Variants in STON2 observed in about 807,000 individuals in gnomAD.
STON2 encodes the protein stonin 2, also known as stonin-2.
In STON2, 29 loss-of-function variants were observed where a neutral mutation model predicts 65.7. The ratio of observed to expected loss-of-function variants is 0.44; its 90% CI spans 0.33 to 0.60. The LOEUF (loss-of-function observed/expected upper bound fraction) is 0.60, where lower values mean the gene tolerates loss of function less well. STON2 is among the 20% of genes least tolerant of loss of function. The pLI is 0.03. For missense variants in STON2, 1,054 were observed against 1,118.1 expected (o/e 0.94, Z 0.82); for synonymous variants, 404 against 414.2 (o/e 0.98, Z 0.30).
intron 4 of STON2, among the ~76,000 whole-genome samples, chr14:81,362,402 T>C (rs1898534798): frequency 6.6e-6 from 1 of 152,182 alleles, no homozygotes; most frequent in South Asian, 2.1e-4. Flanking sequence ...AAGTACCAAA[T>C]ATTCTCCCTT....
chr14:81,385,028 C>A (rs141909186), intron 3 of STON2, among the ~76,000 whole-genome samples: 1 of 152,180 alleles, frequency 6.6e-6, no homozygotes, highest in South Asian at 2.1e-4. Context: ...AACAGATTGC[C>A]CAACTGTTAG....
At chr14:81,294,884 C>T (rs1895699124) in intron 5 of STON2, among the ~76,000 whole-genome samples, 1 of 152,172 alleles carries the variant, frequency 6.6e-6, no homozygotes, top group Non-Finnish European at 1.5e-5. Flanking sequence ...GAACATGCTT[C>T]TAAACATTCA....
chr14:81,262,006 C>A lies in STON2; in HGVS notation c.*6408G>T. ...AAAAAGATGGACCAGGTGATTTTTC[C>A]AATCTTCAAAATTTAAATTTCTTGG... On this transcript the variant is annotated 3_prime_UTR_variant, in exon 8 of 8. Transcript: ENST00000614646. 1 of 1,365,866 alleles carries A rather than the reference C, an allele frequency of 7.3e-7. No homozygotes were observed. The highest frequency in any genetic ancestry group is 1.9e-5 in the South Asian group (1 of 52,368). 84.6% of individuals were successfully genotyped at this position (1,365,866 alleles called of 1,614,324 possible).
At chr14:81,329,508 A>G (rs942394447) in intron 4 of STON2, among the ~76,000 whole-genome samples, 5 of 152,124 alleles carry the variant, frequency 3.3e-5, no homozygotes, top group African/African-American at 1.2e-4. Context: ...ACGTCATGAG[A>G]AGATGGAGGC....
At chr14:81,386,506 A>G (rs1899814482) in intron 3 of STON2, among the ~76,000 whole-genome samples, 1 of 152,206 alleles carries the variant, frequency 6.6e-6, no homozygotes, top group African/African-American at 2.4e-5. Context: ...CTGGTCCCAA[A>G]TAATTAGTTT....
In STON2 at chr14:81,413,873, T is replaced by C. The variant is rs1212534435; in HGVS notation, c.-199+13229A>G. On this transcript the variant is annotated intron_variant, in intron 2 of 8. Transcript: ENST00000553821. ...ACAAAGCTTTCTCACTGTTGTAATT[T>C]AAAATATTAGCAACATTTAATCAAA... Among the ~76,000 whole-genome samples, 2 of 140,520 alleles carry C rather than the reference T, an allele frequency of 1.4e-5. 1 individual carries two copies. Among genetic ancestry groups the C allele is most frequent in the Non-Finnish European group, 3.0e-5 (2 of 67,068 alleles). The allele number at this position is 140,520 out of a possible 152,430, so 92.2% of individuals were successfully genotyped here. A position where few individuals can be genotyped will look rare whatever the true frequency, so the allele number is the denominator to read the frequency against.
intron 1 of STON2, among the ~76,000 whole-genome samples, chr14:81,435,800 C>T (rs1013624686): frequency 6.6e-5 from 10 of 152,216 alleles, no homozygotes; most frequent in African/African-American, 2.4e-4. Flanking sequence ...AAAACTCCAT[C>T]CAAGCCCCAC....
intron 3 of STON2, among the ~76,000 whole-genome samples, chr14:81,394,127 G>A (rs1261285961): frequency 6.6e-6 from 1 of 151,988 alleles, no homozygotes; most frequent in Admixed American, 6.6e-5. Flanking sequence ...AGGGGCAGAG[G>A]TTGCAGTGAG....
At chr14:81,319,121 G>GC (rs1426224158) in intron 5 of STON2, among the ~76,000 whole-genome samples, 15 of 152,082 alleles carry the variant, frequency 9.9e-5, no homozygotes, top group Non-Finnish European at 2.1e-4. Context: ...TCAACCAATT[G>GC]CCCCCCTCAA....
chr14:81,337,980 A>C (rs572758250), intron 4 of STON2, among the ~76,000 whole-genome samples: 5 of 152,188 alleles, frequency 3.3e-5, no homozygotes, highest in Non-Finnish European at 7.3e-5. Flanking sequence ...AAGAAAAAGA[A>C]AAACATGTTT....
intron 5 of STON2, among the ~76,000 whole-genome samples, chr14:81,291,935 T>C (rs1895574997): frequency 6.7e-6 from 1 of 148,840 alleles, no homozygotes; most frequent in Non-Finnish European, 1.5e-5. Flanking sequence ...TTTGTAAGAG[T>C]AGGCTATTAT....
intron 5 of STON2, among the ~76,000 whole-genome samples, chr14:81,312,863 T>C (rs1896479511): frequency 1.3e-5 from 2 of 152,274 alleles, no homozygotes; most frequent in Admixed American, 6.5e-5. Flanking sequence ...CATATTTTGG[T>C]AGCAAATTCT....
At position 81,262,657 on chromosome 14, in the gene STON2, A is replaced by G; in HGVS notation, c.*5757T>C. On this transcript the variant is annotated 3_prime_UTR_variant, in exon 8 of 8. Transcript: ENST00000614646. ...CACTACCAAACTCATTACTGTGGAT[A>G]GTTTCTGCCTTTACAGGCTTAGAAT... The G allele has an allele frequency of 1.0e-6, 1 of 985,464 alleles. No individual in the cohort carries two copies. The highest frequency in any genetic ancestry group is 5.2e-4 in the Middle Eastern group (1 of 1,914). 61.0% of individuals were successfully genotyped at this position (985,464 alleles called of 1,614,324 possible).
Position 81,277,834 on chromosome 14 carries a change from T to A in STON2, c.1648A>T (p.Asn550Tyr). 1 of 1,614,216 alleles carries A rather than the reference T, an allele frequency of 6.2e-7. No individual in the cohort carries two copies. The highest frequency in any genetic ancestry group is 8.5e-7 in the Non-Finnish European group (1 of 1,180,038). Residue 550 changes from asparagine to tyrosine, a missense_variant, in exon 6 of 8, where the codon AAT becomes TAT. By Grantham distance (143) the Asn-to-Tyr change is moderately radical (BLOSUM62 -2). Transcript: ENST00000614646. Reference protein sequence around the residue: ...SEPRLQNYDENGRIHSLRIDR... With the variant: ...SEPRLQNYDEYGRIHSLRIDR... ...ATCCGCAAGCTGTGGATTCTGCCAT[T>A]CTCATCATAGTTTTGAAGCCGGGGT...
intron 2 of STON2, among the ~76,000 whole-genome samples, chr14:81,418,465 A>G (rs185222108): frequency 7.4e-4 from 112 of 152,328 alleles, no homozygotes; most frequent in African/African-American, 2.6e-3. Flanking sequence ...AGAATAAAGT[A>G]GAACAGCTGA....
At chr14:81,428,543 C>T (rs1902092286) in intron 1 of STON2, among the ~76,000 whole-genome samples, 2 of 151,868 alleles carry the variant, frequency 1.3e-5, no homozygotes, top group Admixed American at 6.6e-5. Context: ...GCCAACATGG[C>T]GAAACCCCGT....
chr14:81,297,133 C>T (rs764542772), intron 5 of STON2, among the ~76,000 whole-genome samples: 11 of 152,002 alleles, frequency 7.2e-5, no homozygotes, highest in Admixed American at 2.0e-4. Flanking sequence ...GCTGGAAGGA[C>T]GGAAAGATAA....
rs768314413 is a variant in STON2 at position 81,278,405 on chromosome 14, A to G, written c.1077T>C (p.Ser359=). The G allele has an allele frequency of 1.9e-6, 3 of 1,614,130 alleles. No individual in the cohort carries two copies. In the African/African-American group the frequency reaches 4.0e-5, roughly 22 times the overall value. ...CCCTCCAAGGTGAAGCCTCAGTTAC[A>G]GAAGGCGTGCGGTTTAAAGAGGAAA... ...LDISSLNRTP[S]VTEASPWRAT... is the part of the protein sequence containing the mutation. Residue 359 remains serine (S), a synonymous_variant, in exon 6 of 8, where the codon TCT becomes TCC. Transcript: ENST00000614646.
chr14:81,269,283 G>A, intron 7 of STON2: 2 of 980,984 alleles, frequency 2.0e-6, no homozygotes, highest in Non-Finnish European at 2.4e-6. Flanking sequence ...TGGGATTACA[G>A]CCATGAGCCA....
Sources: allele counts gnomAD v4.1 joint callset (sites outside exome capture counted in the v4.1 genomes callset), GRCh38; gene constraint gnomAD v4.1.1; transcripts MANE v1.5; gene names NCBI Gene and HGNC (gene_info 2026-07-23, HGNC 2026-07-21).